GRIN2A: variants seen among roughly 807,000 people sequenced by gnomAD.
GRIN2A encodes glutamate ionotropic receptor NMDA type subunit 2A, also known as glutamate receptor ionotropic, NMDA 2A.
Under a neutral mutation model 113.4 loss-of-function variants are expected in GRIN2A, and 22 were observed. The observed-to-expected ratio is 0.19, with a 90% CI of 0.14 to 0.28. The LOEUF (loss-of-function observed/expected upper bound fraction) is 0.28. Ranked by LOEUF, GRIN2A falls within the 10% of genes least tolerant of loss-of-function variation. GRIN2A has a pLI of 1.00. For missense variants in GRIN2A, 1,502 were observed against 1,887.0 expected (o/e 0.80, Z 3.78); for synonymous variants, 827 against 738.4 (o/e 1.12, Z -1.94).
chr16:10,165,087 T>C (rs2049884118), intron 2 of GRIN2A, among the ~76,000 whole-genome samples: 1 of 152,206 alleles, frequency 6.6e-6, no homozygotes, highest in Admixed American at 6.5e-5. Context: ...CAATAATCTG[T>C]GATGTAGACA....
At chr16:9,921,365 C>A (rs935735330) in intron 3 of GRIN2A, among the ~76,000 whole-genome samples, 6 of 152,106 alleles carry the variant, frequency 3.9e-5, no homozygotes, top group Non-Finnish European at 8.8e-5. Flanking sequence ...GTCCTCGGAC[C>A]GCATGAAAAC....
intron 3 of GRIN2A, among the ~76,000 whole-genome samples, chr16:9,902,484 A>G (rs1405658890): frequency 6.6e-6 from 1 of 152,262 alleles, no homozygotes; most frequent in Non-Finnish European, 1.5e-5. Context: ...CCTTTGCACA[A>G]GAAAGAATTC....
chr16:9,895,405 C>A (rs1051057820), intron 3 of GRIN2A, among the ~76,000 whole-genome samples: 1 of 152,108 alleles, frequency 6.6e-6, no homozygotes, highest in African/African-American at 2.4e-5. Flanking sequence ...AAGTTGGGGG[C>A]AAGTGGGAAA....
intron 10 of GRIN2A, among the ~76,000 whole-genome samples, chr16:9,811,966 C>CA (rs1375406140): frequency 6.6e-6 from 1 of 152,112 alleles, no homozygotes; most frequent in Admixed American, 6.5e-5. Flanking sequence ...GAAGAAGAAA[C>CA]ATTGCCCCTT....
At chr16:9,836,515 C>T (rs1434363351) in intron 7 of GRIN2A, among the ~76,000 whole-genome samples, 2 of 152,192 alleles carry the variant, frequency 1.3e-5, no homozygotes, top group East Asian at 3.8e-4. Context: ...GTCACTAACA[C>T]GCTAGTCAGA....
chr16:9,782,793 A>T (rs749034336), intron 11 of GRIN2A, among the ~76,000 whole-genome samples: 2 of 152,242 alleles, frequency 1.3e-5, no homozygotes, highest in Non-Finnish European at 1.5e-5. Flanking sequence ...AGGAAGACTC[A>T]GTGGCTCTCC....
intron 2 of GRIN2A, among the ~76,000 whole-genome samples, chr16:10,119,178 AGG>A (rs371417844): frequency 8.5e-4 from 121 of 142,206 alleles, no homozygotes; most frequent in African/African-American, 2.3e-3. Context: ...TACGAAGCTA[AGG>A]GAAAAAAAGC....
At chr16:10,154,717 G>A (rs1201207262) in intron 2 of GRIN2A, among the ~76,000 whole-genome samples, 1 of 152,170 alleles carries the variant, frequency 6.6e-6, no homozygotes, top group Admixed American at 6.5e-5. Context: ...TAATCCTGTG[G>A]GGGACAGCAG....
At chr16:9,979,818 T>TATATATATATATATAC (rs1567213718) in intron 2 of GRIN2A, among the ~76,000 whole-genome samples, 1 of 134,368 alleles carries the variant, frequency 7.4e-6, no homozygotes, top group Non-Finnish European at 1.6e-5. Flanking sequence ...TATATGTATA[T>TATATATATATATATAC]GTATGTATTT....
intron 3 of GRIN2A, among the ~76,000 whole-genome samples, chr16:9,893,422 G>GT (rs1468946679): frequency 2.0e-5 from 3 of 151,956 alleles, no homozygotes; most frequent in African/African-American, 7.3e-5. Context: ...TTTATTTGGG[G>GT]TATCTCTTAT....
At chr16:9,827,562 G>A (rs570936165) in intron 9 of GRIN2A, among the ~76,000 whole-genome samples, 1 of 152,334 alleles carries the variant, frequency 6.6e-6, no homozygotes, top group African/African-American at 2.4e-5. Context: ...CTTAGCCTTT[G>A]TATTCTCACA....
chr16:10,018,710 C>T (rs1281695414), intron 2 of GRIN2A, among the ~76,000 whole-genome samples: 1 of 152,146 alleles, frequency 6.6e-6, no homozygotes, highest in East Asian at 1.9e-4. Flanking sequence ...CAGTCACTCC[C>T]CACACACCGT....
At chr16:10,032,899 C>G (rs1344442644) in intron 2 of GRIN2A, among the ~76,000 whole-genome samples, 1 of 152,152 alleles carries the variant, frequency 6.6e-6, no homozygotes, top group Non-Finnish European at 1.5e-5. Flanking sequence ...TATCATTGTC[C>G]TTAACCAATG....
intron 2 of GRIN2A, among the ~76,000 whole-genome samples, chr16:10,004,376 G>A (rs1034700747): frequency 2.0e-5 from 3 of 151,304 alleles, no homozygotes; most frequent in Admixed American, 1.3e-4. Flanking sequence ...GTGACAGAGC[G>A]AGACTCCATC....
At chr16:10,008,421 C>T (rs955587653) in intron 2 of GRIN2A, among the ~76,000 whole-genome samples, 10 of 152,188 alleles carry the variant, frequency 6.6e-5, no homozygotes, top group Non-Finnish European at 7.4e-5. Flanking sequence ...GCTTGAACAG[C>T]GTGCAGTCAC....
chr16:9,834,050 T>A, intron 8 of GRIN2A, 55 bp downstream of exon 8: 1 of 1,578,860 alleles, frequency 6.3e-7, no homozygotes. Flanking sequence ...AAATTTTCAT[T>A]AAAGGTAAAT....
chr16:10,165,284 T>C (rs929232215), intron 2 of GRIN2A, among the ~76,000 whole-genome samples: 1 of 151,902 alleles, frequency 6.6e-6, no homozygotes, highest in African/African-American at 2.4e-5. Context: ...TAAAATTATA[T>C]AGTGTGTATT....
chr16:9,882,367 T>C (rs2043498050), intron 4 of GRIN2A, among the ~76,000 whole-genome samples: 1 of 152,192 alleles, frequency 6.6e-6, no homozygotes, highest in South Asian at 2.1e-4. Flanking sequence ...TTGTAAGATC[T>C]CCTTTATCAT....
At chr16:10,106,271 A>T (rs2048499827) in intron 2 of GRIN2A, among the ~76,000 whole-genome samples, 1 of 151,514 alleles carries the variant, frequency 6.6e-6, no homozygotes, top group Admixed American at 6.6e-5. Flanking sequence ...TTTACACATA[A>T]GAAAAAGTGG....
Sources: allele counts gnomAD v4.1 joint callset (sites outside exome capture counted in the v4.1 genomes callset), GRCh38; gene constraint gnomAD v4.1.1; transcripts MANE v1.5; gene names NCBI Gene and HGNC (gene_info 2026-07-23, HGNC 2026-07-21).